MCM9: variants seen among roughly 807,000 people sequenced by gnomAD.
MCM9 encodes the protein DNA helicase MCM9.
MCM9 carries 55 observed loss-of-function variants against 72.8 expected under a neutral mutation model. The observed-to-expected ratio is 0.76, with a 90% CI of 0.61 to 0.95. MCM9 has a LOEUF of 0.95. MCM9 is among the 40% of genes least tolerant of loss of function. MCM9 has a pLI of 0.00. For missense variants in MCM9, 1,279 were observed against 1,377.0 expected, an observed-to-expected ratio of 0.93 and a Z score of 1.13; for synonymous variants, 480 against 503.4, an observed-to-expected ratio of 0.95 and a Z score of 0.62.
chr6:118,814,073 C>A lies in MCM9; in HGVS notation c.*751G>T, dbSNP rs1411222406. 1 of 152,028 alleles carries A rather than the reference C, an allele frequency of 6.6e-6. No individual in the cohort carries two copies. 9.4% of individuals were successfully genotyped at this position (152,028 alleles called of 1,614,324 possible). On this transcript the variant is annotated 3_prime_UTR_variant, in exon 14 of 14. Coordinates refer to ENST00000619706, the MANE Select transcript of MCM9 (RefSeq NM_017696.3). ...CTGTGCCTGGCTCATACTCTCTCTT[C>A]TTCTAATCACAGTATTTTACTTGGT...
chr6:118,932,318 C>T (rs1782506156), intron 2 of MCM9, among the ~76,000 whole-genome samples: 1 of 152,096 alleles, frequency 6.6e-6, no homozygotes, highest in South Asian at 2.1e-4. Flanking sequence ...GACAAAATCA[C>T]CTAATGACAA....
chr6:118,910,345 G>A (rs1463867292), intron 8 of MCM9, among the ~76,000 whole-genome samples: 4 of 152,090 alleles, frequency 2.6e-5, no homozygotes, highest in Non-Finnish European at 5.9e-5. Context: ...TAGACCAGAA[G>A]TAGCAATAAC....
chr6:118,833,796 G>A (rs1774759015), intron 9 of MCM9, among the ~76,000 whole-genome samples: 1 of 152,076 alleles, frequency 6.6e-6, no homozygotes, highest in African/African-American at 2.4e-5. Flanking sequence ...GGAAATGGGA[G>A]TTTTTTTAAA....
chr6:118,841,342 CAGA>C (rs1775350206), intron 9 of MCM9, among the ~76,000 whole-genome samples: 1 of 152,150 alleles, frequency 6.6e-6, no homozygotes, highest in East Asian at 1.9e-4. Context: ...GTTGGCTGGA[CAGA>C]AGGACTTTCC....
chr6:118,889,151 T>C (rs1341389287), intron 8 of MCM9, among the ~76,000 whole-genome samples: 1 of 152,226 alleles, frequency 6.6e-6, no homozygotes, highest in Non-Finnish European at 1.5e-5. Context: ...TAGAGGTGGA[T>C]TCTTTGCATG....
intron 9 of MCM9, among the ~76,000 whole-genome samples, chr6:118,850,957 T>G (rs138604851): frequency 0.01 from 1,584 of 151,752 alleles, 64 homozygotes; most frequent in African/African-American, 0.036. Context: ...TAGCTGGGAC[T>G]ACAGGCGCAC....
intron 9 of MCM9, among the ~76,000 whole-genome samples, chr6:118,832,805 A>G (rs1005459878): frequency 6.6e-6 from 1 of 152,156 alleles, no homozygotes; most frequent in African/African-American, 2.4e-5. Context: ...CCTCATCTTT[A>G]CTTATGGCTT....
chr6:118,838,334 T>C (rs1289572842), intron 9 of MCM9, among the ~76,000 whole-genome samples: 1 of 151,862 alleles, frequency 6.6e-6, no homozygotes, highest in Middle Eastern at 3.4e-3. Context: ...GGCTTTTTTG[T>C]ATCTTTATTA....
chr6:118,927,620 C>A (rs114306721), intron 3 of MCM9, among the ~76,000 whole-genome samples: 1,602 of 150,194 alleles, frequency 0.011, 30 homozygotes, highest in African/African-American at 0.037. Context: ...AAAAAAAAAG[C>A]AAGAAAAGAA....
chr6:118,897,800 G>T (rs1779531505), intron 8 of MCM9, among the ~76,000 whole-genome samples: 1 of 151,792 alleles, frequency 6.6e-6, no homozygotes, highest in South Asian at 2.1e-4. Flanking sequence ...AATACAGGGG[G>T]CAGAGGAATT....
rs959432263 is a variant in MCM9, at chr6:118,826,238, G to C, written c.1870C>G (p.Pro624Ala). ...NALHTSFPEN[P>A]GEQYQRQCEL... ...CACTGTCTCTGGTACTGCTCTCCAG[G>C]GTTTTCAGGAAAGGAAGTGTGGAGG... The change falls in exon 13 of 14, where the codon CCT (proline) becomes GCT (alanine). Residue 624 changes from proline (P) to alanine (A), a missense_variant. Pro to Ala is a conservative substitution (Grantham distance 27). Coordinates refer to ENST00000619706, the MANE Select transcript of MCM9 (RefSeq NM_017696.3). 3 of 1,550,430 alleles carry C rather than the reference G, an allele frequency of 1.9e-6. No homozygotes were observed.
chr6:118,922,726 A>G (rs1781530088), intron 4 of MCM9, among the ~76,000 whole-genome samples: 1 of 152,128 alleles, frequency 6.6e-6, no homozygotes, highest in South Asian at 2.1e-4. Context: ...ATCAGAAGAG[A>G]AGCCATGTAT....
intron 13 of MCM9, among the ~76,000 whole-genome samples, chr6:118,819,022 G>A (rs1773601857): frequency 6.6e-6 from 1 of 152,202 alleles, no homozygotes; most frequent in Admixed American, 6.5e-5. Context: ...GTTTTGGGGT[G>A]AGATGATGGG....
At chr6:118,905,625 GT>G in intron 8 of MCM9, 1 of 1,566,872 alleles carries the variant, frequency 6.4e-7, no homozygotes, top group Non-Finnish European at 8.7e-7. Context: ...GTGTGTGTGT[GT>G]TTCTTTTCTT....
At chr6:118,930,378 C>T (rs1230187657) in intron 3 of MCM9, among the ~76,000 whole-genome samples, 1 of 152,190 alleles carries the variant, frequency 6.6e-6, no homozygotes, top group African/African-American at 2.4e-5. Flanking sequence ...TCCCAAAGTG[C>T]TGGGATTACA....
chr6:118,924,082 G>A lies in MCM9; in HGVS notation c.350C>T (p.Thr117Ile), dbSNP rs1357647007. ...PELVREHIPK[T>I]KDVGHFLSVT... ...AGATAAAAAGTGTCCCACATCCTTGGTTTTAGGTATGTGTTCCCTCACCAG... is the reference window on the plus strand; with the variant it reads ...AGATAAAAAGTGTCCCACATCCTTGATTTTAGGTATGTGTTCCCTCACCAG... Residue 117 changes from threonine to isoleucine, a missense_variant, in exon 4 of 14, where the codon ACC (threonine) becomes ATC (isoleucine). Thr to Ile is a moderately conservative substitution (Grantham distance 89). Transcript: ENST00000619706. 5.0e-6 allele frequency: 8 copies of A among 1,613,996 alleles called. No homozygotes were observed. The highest frequency in any genetic ancestry group is 6.8e-6 in the Non-Finnish European group (8 of 1,180,038).
chr6:118,815,404 T>C lies in MCM9; in HGVS notation c.2852A>G (p.His951Arg). ...VSPGATKIAV[H>R]SPKISQRRTR... ...TCTACGCTGGGAAATTTTAGGACTA[T>C]GAACTGCTATTTTAGTTGCACCAGG... Residue 951 changes from histidine (H) to arginine (R), a missense_variant, in exon 14 of 14, where the codon CAT becomes CGT. Physicochemically the swap from His to Arg is conservative, Grantham distance 29. Coordinates refer to ENST00000619706, the MANE Select transcript of MCM9 (RefSeq NM_017696.3). The C allele has an allele frequency of 1.3e-6, 2 of 1,550,458 alleles. No individual in the cohort carries two copies. The highest frequency in any genetic ancestry group is 2.0e-5 in the Admixed American group (1 of 50,970).
chr6:118,845,609 C>A (rs567133174), intron 9 of MCM9, among the ~76,000 whole-genome samples: 1 of 151,730 alleles, frequency 6.6e-6, no homozygotes, highest in Non-Finnish European at 1.5e-5. Context: ...GAACTTTTTC[C>A]ATATCTAGCA....
At chr6:118,933,985 C>CAAAAAAAAAA (rs1782681772) in intron 1 of MCM9, among the ~76,000 whole-genome samples, 5 of 55,690 alleles carry the variant, frequency 9.0e-5, no homozygotes, top group African/African-American at 2.6e-4. Context: ...AAAAAAAAAT[C>CAAAAAAAAAA]TGGACTCCCA....
Sources: allele counts gnomAD v4.1 joint callset (sites outside exome capture counted in the v4.1 genomes callset), GRCh38; gene constraint gnomAD v4.1.1; transcripts MANE v1.5; gene names NCBI Gene and HGNC (gene_info 2026-07-23, HGNC 2026-07-21).